MTA3: variants seen among roughly 807,000 people sequenced by gnomAD.
The protein encoded by MTA3 is metastasis associated 1 family member 3.
Under a neutral mutation model 83.5 loss-of-function variants are expected in MTA3, and 34 were observed. That is an observed-to-expected ratio of 0.41 (90% CI 0.31 to 0.54). The LOEUF (loss-of-function observed/expected upper bound fraction) is 0.54, where lower values mean the gene tolerates loss of function less well. Ranked by LOEUF, MTA3 falls within the 20% of genes least tolerant of loss-of-function variation. The pLI, the probability that MTA3 is intolerant of heterozygous loss-of-function variation, is 0.33. For missense variants in MTA3, 761 were observed against 726.4 expected (o/e 1.05, Z -0.55); for synonymous variants, 303 against 252.7 (o/e 1.20, Z -1.89).
intron 10 of MTA3, among the ~76,000 whole-genome samples, chr2:42,697,125 C>T (rs569416130): frequency 2.0e-4 from 31 of 152,260 alleles, no homozygotes; most frequent in African/African-American, 5.5e-4. Flanking sequence ...TGTTATTTTA[C>T]TTCTCTATTT....
intron 6 of MTA3, among the ~76,000 whole-genome samples, chr2:42,645,053 A>G (rs1447118279): frequency 6.6e-6 from 1 of 152,102 alleles, no homozygotes; most frequent in Non-Finnish European, 1.5e-5. Context: ...AAGCCAAGAT[A>G]GGCTAAAAGC....
intron 4 of MTA3, among the ~76,000 whole-genome samples, chr2:42,636,844 C>T (rs112727726): frequency 0.014 from 2,123 of 152,080 alleles, 50 homozygotes; most frequent in African/African-American, 0.047. Context: ...CCAGGCTGGT[C>T]TCGAACTCCT....
intron 4 of MTA3, among the ~76,000 whole-genome samples, chr2:42,613,277 G>T (rs553226136): frequency 6.6e-6 from 1 of 152,142 alleles, no homozygotes; most frequent in Non-Finnish European, 1.5e-5. Context: ...TGAGTTTACC[G>T]GGTGGTAATT....
chr2:42,684,548 G>C (rs1692206008), intron 9 of MTA3, among the ~76,000 whole-genome samples: 1 of 152,154 alleles, frequency 6.6e-6, no homozygotes, highest in South Asian at 2.1e-4. Context: ...AATAACAATA[G>C]AGCAGTGTTA....
chr2:42,716,328 A>G (rs1667027428), intron 14 of MTA3, among the ~76,000 whole-genome samples: 2 of 152,260 alleles, frequency 1.3e-5, no homozygotes, highest in South Asian at 4.1e-4. Flanking sequence ...TTTTAAACTT[A>G]TTTTTTAACT....
At chr2:42,697,904 G>T (rs1693531003) in intron 11 of MTA3, 70 bp downstream of exon 11, 2 of 1,179,384 alleles carry the variant, frequency 1.7e-6, no homozygotes, top group Non-Finnish European at 1.2e-6. Context: ...ATGTCATTTT[G>T]TTCAGTTTCA....
At chr2:42,575,239 T>C (rs1678913181) in intron 2 of MTA3, among the ~76,000 whole-genome samples, 1 of 152,180 alleles carries the variant, frequency 6.6e-6, no homozygotes, top group Non-Finnish European at 1.5e-5. Context: ...CCCCTTGCTC[T>C]TTTTTCCATA....
chr2:42,624,687 A>G (rs546729379), intron 4 of MTA3, among the ~76,000 whole-genome samples: 2 of 152,302 alleles, frequency 1.3e-5, no homozygotes, highest in African/African-American at 4.8e-5. Context: ...GTCAGACTCA[A>G]TCACTCTTTT....
intron 16 of MTA3, among the ~76,000 whole-genome samples, chr2:42,727,218 A>G (rs1334097280): frequency 6.6e-6 from 1 of 152,162 alleles, no homozygotes; most frequent in East Asian, 1.9e-4. Flanking sequence ...AGAAAGAAAG[A>G]AAGAAATCTG....
intron 8 of MTA3, 30 bp downstream of exon 8, chr2:42,659,892 T>G: frequency 1.3e-6 from 2 of 1,529,800 alleles, no homozygotes; most frequent in Non-Finnish European, 1.8e-6. Context: ...TTTGTGGGTA[T>G]TTATCCTTCT....
intron 3 of MTA3, among the ~76,000 whole-genome samples, chr2:42,605,892 T>C (rs1573216817): frequency 9.4e-6 from 1 of 106,648 alleles, no homozygotes; most frequent in African/African-American, 3.7e-5. Context: ...GCAGAGGGGC[T>C]CCTCACTTCC....
At chr2:42,502,930 C>G (rs1674463756) in intron 2 of MTA3, among the ~76,000 whole-genome samples, 1 of 151,348 alleles carries the variant, frequency 6.6e-6, no homozygotes, top group Admixed American at 6.6e-5. Context: ...CCACTGCAGT[C>G]CAGCCTGGGA....
chr2:42,623,845 T>TAC (rs1685816533), intron 4 of MTA3, among the ~76,000 whole-genome samples: 1 of 151,940 alleles, frequency 6.6e-6, no homozygotes, highest in East Asian at 1.9e-4. Flanking sequence ...TGTGCGCCAC[T>TAC]ACACCCGGCT....
chr2:42,727,999 A>G (rs1299451045), intron 16 of MTA3, among the ~76,000 whole-genome samples: 2 of 152,112 alleles, frequency 1.3e-5, no homozygotes, highest in Admixed American at 1.3e-4. Context: ...TGTACGATAA[A>G]TTATTGTTGC....
chr2:42,513,124 A>T lies in MTA3; in HGVS notation c.-141+17870A>T, dbSNP rs991358166. The stretch of plus-strand genomic sequence containing the variant: ...CTAAATAACCAACTGGGCATACGAG[A>T]GGCTAGTGTTTCTGGTTACCCATGC... On this transcript the variant is annotated intron_variant, in intron 2 of 17. Coordinates refer to the MTA3 transcript ENST00000405592. Among the ~76,000 whole-genome samples, 3 of 152,172 alleles carry T rather than the reference A, an allele frequency of 2.0e-5. No individual in the cohort carries two copies. The East Asian group carries it at 5.8e-4, about 29-fold the overall frequency.
chr2:42,553,161 C>G (rs1248512408), intron 2 of MTA3, among the ~76,000 whole-genome samples: 5 of 151,668 alleles, frequency 3.3e-5, no homozygotes, highest in South Asian at 2.1e-4. Flanking sequence ...CGCAGTGGCT[C>G]AAGCCTGTAA....
intron 6 of MTA3, among the ~76,000 whole-genome samples, chr2:42,644,650 A>AT (rs1688006847): frequency 6.6e-6 from 1 of 152,112 alleles, no homozygotes. Flanking sequence ...ATTTGGTGCC[A>AT]TTTTTCCAAC....
intron 4 of MTA3, among the ~76,000 whole-genome samples, chr2:42,611,384 C>T (rs939028221): frequency 7.3e-5 from 11 of 151,518 alleles, no homozygotes; most frequent in Non-Finnish European, 1.0e-4. Flanking sequence ...TTGTGCACAA[C>T]TCCTTTTTTA....
At chr2:42,574,657 A>G (rs1262164073) in intron 2 of MTA3, among the ~76,000 whole-genome samples, 1 of 148,360 alleles carries the variant, frequency 6.7e-6, no homozygotes, top group Non-Finnish European at 1.5e-5. Flanking sequence ...CAGGCTGGTC[A>G]TCAAGTGATC....
Sources: allele counts gnomAD v4.1 joint callset (sites outside exome capture counted in the v4.1 genomes callset), GRCh38; gene constraint gnomAD v4.1.1; transcripts MANE v1.5; gene names NCBI Gene and HGNC (gene_info 2026-07-23, HGNC 2026-07-21).